The following PCDHA3 variants were observed in gnomAD, a reference collection of about 807,000 sequenced individuals.
PCDHA3 encodes the protein protocadherin alpha 3.
In PCDHA3, 41 loss-of-function variants were observed where a neutral mutation model predicts 62.2. The ratio of observed to expected loss-of-function variants is 0.66; its 90% CI spans 0.51 to 0.86. The LOEUF is 0.86. Ranked by LOEUF, PCDHA3 falls within the 40% of genes least tolerant of loss-of-function variation. The pLI is 0.00. For synonymous variants in PCDHA3, 640 were observed against 555.4 expected (o/e 1.15, Z -2.14); for missense variants, 1,304 against 1,241.2 (o/e 1.05, Z -0.76).
chr5:140,891,667 A>T (rs2153435107), intron 1 of PCDHA3, among the ~76,000 whole-genome samples: 1 of 152,286 alleles, frequency 6.6e-6, no homozygotes, highest in African/African-American at 2.4e-5. Flanking sequence ...CCCACCTTAA[A>T]GTTTAATAAT....
At chr5:140,876,607 T>C in intron 1 of PCDHA3, 1 of 1,614,186 alleles carries the variant, frequency 6.2e-7, no homozygotes, top group Non-Finnish European at 8.5e-7. Flanking sequence ...GGATCGTGAC[T>C]CTGGAGCCAA....
In PCDHA3 at chr5:140,843,766, GT is replaced by G. The variant is rs2150366471; in HGVS notation, c.2394+40177del. ...ATAAATTCTATTTGTGGAAATTGTA[GT>G]TACTTTAAAAGTGTTTCAGATTTAG... On this transcript the variant is annotated intron_variant, in intron 1 of 3. Coordinates refer to ENST00000522353, the MANE Select transcript of PCDHA3 (RefSeq NM_018906.3). 2.9e-5 allele frequency: 43 copies of G among 1,487,836 alleles called. 4 individuals carry two copies. Among genetic ancestry groups the G allele is most frequent in the Non-Finnish European group, 3.7e-5 (40 of 1,082,784 alleles). 92.2% of individuals were successfully genotyped at this position (1,487,836 alleles called of 1,614,324 possible). A position where few individuals can be genotyped will look rare whatever the true frequency, so the allele number is the denominator to read the frequency against.
chr5:140,934,569 A>AT (rs1286294364), intron 1 of PCDHA3, among the ~76,000 whole-genome samples: 1 of 152,044 alleles, frequency 6.6e-6, no homozygotes, highest in Admixed American at 6.6e-5. Context: ...TTTTTAATTA[A>AT]TTGTAACATT....
intron 1 of PCDHA3, chr5:140,850,222 C>T (rs1554144012): frequency 6.3e-7 from 1 of 1,593,746 alleles, no homozygotes; most frequent in East Asian, 2.2e-5. Flanking sequence ...ACTGACGGCG[C>T]AGTGAGCGAG....
rs2150412128 is a variant in PCDHA3 at position 140,848,533 on chromosome 5, C to T, written c.2394+44942C>T. 6.3e-6 allele frequency: 10 copies of T among 1,594,958 alleles called. No homozygotes were observed. In the East Asian group the frequency reaches 1.8e-4, roughly 28 times the overall value. On this transcript the variant is annotated intron_variant, in intron 1 of 3. Transcript: ENST00000522353. ...AGTCGAGGAGATCCAGAGGGTCAGC[C>T]TCTACTGCTCTCGCTTCTGATCCTC...
intron 1 of PCDHA3, chr5:140,809,173 G>GGCCACT: frequency 6.2e-7 from 1 of 1,613,974 alleles, no homozygotes; most frequent in Non-Finnish European, 8.5e-7. Context: ...TGACGGCCAC[G>GGCCACT]GCCACTGTGC....
intron 1 of PCDHA3, among the ~76,000 whole-genome samples, chr5:140,944,361 A>G (rs1463339181): frequency 6.6e-6 from 1 of 151,888 alleles, no homozygotes; most frequent in Non-Finnish European, 1.5e-5. Flanking sequence ...CTAATTTTTA[A>G]TTTTTTATAG....
At chr5:141,005,930 G>C (rs1179599253) in intron 3 of PCDHA3, among the ~76,000 whole-genome samples, 1 of 151,958 alleles carries the variant, frequency 6.6e-6, no homozygotes, top group African/African-American at 2.4e-5. Context: ...CTGGTTGACA[G>C]AGTGAGAACC....
chr5:140,854,990 G>A (rs2043295354), intron 1 of PCDHA3, among the ~76,000 whole-genome samples: 1 of 149,498 alleles, frequency 6.7e-6, no homozygotes, highest in African/African-American at 2.5e-5. Context: ...GATTCTTTTT[G>A]CCCGTGTAAG....
intron 1 of PCDHA3, among the ~76,000 whole-genome samples, chr5:140,932,569 C>T (rs58622542): frequency 0.013 from 2,018 of 151,826 alleles, 38 homozygotes; most frequent in African/African-American, 0.046. Flanking sequence ...GTAGACTTTC[C>T]CATAGGGTAA....
rs1290587407 is a variant in PCDHA3, at chr5:140,802,305, G to T, written c.1108G>T (p.Ala370Ser). 14 of 1,614,200 alleles carry T rather than the reference G, an allele frequency of 8.7e-6. No homozygotes were observed. Among genetic ancestry groups the T allele is most frequent in the African/African-American group, 1.3e-5 (1 of 75,042 alleles). ...LEDSPLSTVI[A>S]LISVSDRDSG... ...AGACTCTCCACTTAGCACAGTCATC[G>T]CTCTGATCAGCGTGTCCGACCGCGA... Residue 370 changes from alanine (A) to serine (S), a missense_variant, in exon 1 of 4, where the codon GCT (alanine) becomes TCT (serine). Coordinates refer to ENST00000522353, the MANE Select transcript of PCDHA3 (RefSeq NM_018906.3).
chr5:140,808,741 C>T (rs374265125), intron 1 of PCDHA3: 110 of 1,611,992 alleles, frequency 6.8e-5, no homozygotes, highest in Non-Finnish European at 8.5e-5. Flanking sequence ...GCAAGGTGTA[C>T]GCGCTGCAGC....
intron 1 of PCDHA3, chr5:140,860,192 C>CATATATAT (rs143984774): frequency 6.9e-4 from 101 of 146,860 alleles, no homozygotes; most frequent in African/African-American, 2.5e-3. Context: ...GCTCTCCTTA[C>CATATATAT]ATATATATCT....
intron 1 of PCDHA3, chr5:140,850,952 A>G (rs890565160): frequency 1.3e-6 from 2 of 1,495,360 alleles, no homozygotes; most frequent in South Asian, 1.3e-5. Context: ...ATTATCGATT[A>G]CTCCCAGGGG....
chr5:140,967,111 T>G, intron 1 of PCDHA3: 1 of 1,612,990 alleles, frequency 6.2e-7, no homozygotes, highest in East Asian at 2.2e-5. Context: ...AGCAGCGGCC[T>G]CGCTGCCTGC....
chr5:140,884,319 C>T lies in PCDHA3; in HGVS notation c.2394+80728C>T. ...CCACAGGCTTCGTCGAGGGCGTCGG[C>T]AGGCGCTGTGGGTCCAGAAGCGGCG... On this transcript the variant is annotated intron_variant, in intron 1 of 3. Transcript: ENST00000522353. 6.2e-7 allele frequency: 1 copy of T among 1,613,800 alleles called. No homozygotes were observed. The highest frequency in any genetic ancestry group is 8.5e-7 in the Non-Finnish European group (1 of 1,179,860).
chr5:140,870,055 G>A (rs868919509), intron 1 of PCDHA3: 6 of 1,613,774 alleles, frequency 3.7e-6, no homozygotes, highest in Non-Finnish European at 5.1e-6. Context: ...TTATAAAATT[G>A]AAGTACAGGC....
intron 1 of PCDHA3, among the ~76,000 whole-genome samples, chr5:140,945,598 T>C (rs544036785): frequency 1.3e-5 from 2 of 152,116 alleles, no homozygotes; most frequent in South Asian, 2.1e-4. Flanking sequence ...TTCAAAGCTA[T>C]AATAATCAAA....
At position 140,801,341 on chromosome 5, in the gene PCDHA3, C is replaced by T. The variant is rs782016888; in HGVS notation, c.144C>T (p.Ile48=). The T allele has an allele frequency of 5.0e-6, 8 of 1,613,182 alleles. No individual in the cohort carries two copies. The highest frequency in any genetic ancestry group is 2.2e-5 in the East Asian group (1 of 44,902). The change falls in exon 1 of 4, where the codon ATC becomes ATT. Residue 48 remains isoleucine (I), a synonymous_variant. Coordinates refer to ENST00000522353, the MANE Select transcript of PCDHA3 (RefSeq NM_018906.3). ...EAKHGTFVGR[I]AQDLGLELAE... ...AGCATGGCACCTTCGTGGGCCGCAT[C>T]GCGCAGGACCTGGGGCTGGAGCTGG...
Sources: gnomAD v4.1 joint callset for allele counts (sites outside exome capture counted in the v4.1 genomes callset) on GRCh38, gnomAD v4.1.1 for gene constraint, MANE v1.5 for transcripts, NCBI Gene and HGNC (gene_info 2026-07-23, HGNC 2026-07-21) for gene names.